HPF1: variants seen among roughly 807,000 people sequenced by gnomAD.
HPF1 encodes the protein UPF0609 protein C4orf27.
A neutral mutation model predicts 38.8 loss-of-function variants in HPF1; 35 were observed. The ratio of observed to expected loss-of-function variants is 0.90; its 90% CI spans 0.69 to 1.19. The LOEUF is 1.19. Ranked by LOEUF, HPF1 falls within the 50% of genes most tolerant of loss-of-function variation. HPF1 has a pLI of 0.00. For synonymous variants in HPF1, 115 were observed against 139.2 expected, an observed-to-expected ratio of 0.83 and a Z score of 1.22; for missense variants, 367 against 405.8, an observed-to-expected ratio of 0.90 and a Z score of 0.82.
At chr4:169,742,787 G>A (rs528983611) in intron 4 of HPF1, among the ~76,000 whole-genome samples, 18 of 151,050 alleles carry the variant, frequency 1.2e-4, no homozygotes, top group East Asian at 4.0e-4. Context: ...GCAAGACTCC[G>A]TCTCAAAAAA....
In HPF1 at chr4:169,742,634, T is replaced by C. The variant is rs1290522811; in HGVS notation, c.498-527A>G. On this transcript the variant is annotated intron_variant, in intron 4 of 7. Transcript: ENST00000393381. The stretch of plus-strand genomic sequence containing the variant: ...GGTGAAACCCCGTCTCTACTAAAAA[T>C]ACAAAAAATTAGCCGGGCGTGATGG... Among the ~76,000 whole-genome samples, 4 of 152,012 alleles carry C rather than the reference T, an allele frequency of 2.6e-5. No homozygotes were observed. In the South Asian group the frequency reaches 6.2e-4, roughly 24 times the overall value.
intron 1 of HPF1, among the ~76,000 whole-genome samples, chr4:169,755,693 T>C (rs1203471910): frequency 2.0e-5 from 3 of 152,248 alleles, no homozygotes; most frequent in African/African-American, 4.8e-5. Flanking sequence ...TGCAGCATGA[T>C]AGCCTTTTTA....
At chr4:169,750,811 G>T in intron 2 of HPF1, 86 bp from the exon 3 acceptor site, 1 of 1,048,096 alleles carries the variant, frequency 9.5e-7, no homozygotes, top group Non-Finnish European at 1.4e-6. Flanking sequence ...CTAAGCAATT[G>T]TCTTTAAAAA....
intron 6 of HPF1, among the ~76,000 whole-genome samples, chr4:169,732,482 A>G (rs887955900): frequency 2.6e-5 from 4 of 152,154 alleles, no homozygotes; most frequent in African/African-American, 9.7e-5. Flanking sequence ...GGTGGTCATC[A>G]TGCATTTACA....
intron 6 of HPF1, among the ~76,000 whole-genome samples, chr4:169,733,549 T>C (rs1422172298): frequency 6.6e-6 from 1 of 152,188 alleles, no homozygotes; most frequent in Non-Finnish European, 1.5e-5. Flanking sequence ...ATTCTATGTA[T>C]GAGGCACAAC....
intron 4 of HPF1, among the ~76,000 whole-genome samples, chr4:169,746,408 T>C (rs991327799): frequency 3.9e-5 from 6 of 152,160 alleles, no homozygotes; most frequent in African/African-American, 1.4e-4. Flanking sequence ...AGTTAACATT[T>C]TTCAAATGTT....
intron 2 of HPF1, among the ~76,000 whole-genome samples, chr4:169,753,102 C>T (rs1357601192): frequency 7.1e-6 from 1 of 140,912 alleles, no homozygotes; most frequent in Admixed American, 7.3e-5. Context: ...GGCACAATCT[C>T]GACTCACTGC....
At chr4:169,732,069 A>T in intron 6 of HPF1, 193 bp from the exon 7 acceptor site, 1 of 497,554 alleles carries the variant, frequency 2.0e-6, no homozygotes, top group Non-Finnish European at 3.5e-6. Flanking sequence ...TTAGGATTCA[A>T]GCTTAAAAAC....
At position 169,738,411 on chromosome 4, in the gene HPF1, C is replaced by T. The variant is rs1421527955; in HGVS notation, c.649-664G>A. Among the ~76,000 whole-genome samples the T allele has an allele frequency of 5.9e-5, 9 of 152,300 alleles. No homozygotes were observed. In the South Asian group the frequency reaches 1.7e-3, roughly 28 times the overall value. ...TTCTTCCTTTAGCTCATGTTAGTGA[C>T]ATTATTTTTAGGTCTTTCCTTAGCG... On this transcript the variant is annotated intron_variant, in intron 5 of 7. Transcript: ENST00000393381.
At chr4:169,749,362 T>G (rs1734088169) in intron 3 of HPF1, among the ~76,000 whole-genome samples, 1 of 152,142 alleles carries the variant, frequency 6.6e-6, no homozygotes, top group Non-Finnish European at 1.5e-5. Context: ...AGCTCAAAAT[T>G]ATCCAAATTA....
intron 6 of HPF1, among the ~76,000 whole-genome samples, chr4:169,732,591 A>G (rs567322396): frequency 3.9e-5 from 6 of 152,170 alleles, no homozygotes; most frequent in Admixed American, 3.9e-4. Context: ...AGTTTTTTTC[A>G]TTTTTAAATG....
At chr4:169,741,041 C>T (rs1037659482) in intron 5 of HPF1, among the ~76,000 whole-genome samples, 26 of 152,070 alleles carry the variant, frequency 1.7e-4, no homozygotes, top group African/African-American at 6.3e-4. Context: ...ATTTAAAATG[C>T]CATATTGTAA....
intron 4 of HPF1, among the ~76,000 whole-genome samples, chr4:169,744,872 C>T (rs1734026003): frequency 1.3e-5 from 2 of 151,134 alleles, no homozygotes; most frequent in South Asian, 4.2e-4. Context: ...TTCTTCCACT[C>T]TACACAACAA....
rs1294536818 is a variant in HPF1, at chr4:169,753,771, C to T, written c.113G>A (p.Arg38Gln). The change falls in exon 2 of 8, where the codon CGA (arginine) becomes CAA (glutamine). Residue 38 changes from arginine to glutamine, a missense_variant. Physicochemically the swap from Arg to Gln is conservative, Grantham distance 43. Transcript: ENST00000393381. ...FCEADVSSDLRKEVENHYKLS... is the reference protein window; with the variant it reads ...FCEADVSSDLQKEVENHYKLS... ...CTTATAATGATTTTCTACTTCTTTTCGAAGGTCACTGGAGACATCAGCTTC... is the reference window on the plus strand; with the variant it reads ...CTTATAATGATTTTCTACTTCTTTTTGAAGGTCACTGGAGACATCAGCTTC... The T allele has an allele frequency of 3.7e-6, 6 of 1,613,566 alleles. No homozygotes were observed. Among genetic ancestry groups the T allele is most frequent in the Admixed American group, 1.7e-5 (1 of 59,986 alleles).
intron 5 of HPF1, 136 bp from the exon 6 acceptor site, chr4:169,737,883 C>T (rs1733919474): frequency 3.1e-6 from 2 of 643,484 alleles, no homozygotes; most frequent in Admixed American, 5.7e-5. Flanking sequence ...ATTTGGACTC[C>T]AGGGTAAAAA....
chr4:169,757,833 C>A lies in HPF1; in HGVS notation c.45G>T (p.Pro15=). The part of the protein sequence containing the change: ...GGKRRPGGEG[P]QCEKTTDVKK... ...CGCACAGCCTTTCCGGCAGTACCTG[C>A]GGCCCCTCTCCGCCGGGCCTGCGCT... The change falls in exon 1 of 8, where the codon CCG becomes CCT. Residue 15 remains proline, a synonymous_variant. Transcript: ENST00000393381. The A allele has an allele frequency of 6.4e-7, 1 of 1,562,110 alleles. No homozygotes were observed. The highest frequency in any genetic ancestry group is 2.4e-5 in the East Asian group (1 of 42,166).
In HPF1 at chr4:169,753,028, G is replaced by GTTTTTTTTTTT. The variant is rs71590035; in HGVS notation, c.208+637_208+647dup. Among the ~76,000 whole-genome samples, 5 of 103,890 alleles carry GTTTTTTTTTTT rather than the reference G, an allele frequency of 4.8e-5. 1 individual carries two copies. Among genetic ancestry groups the GTTTTTTTTTTT allele is most frequent in the Admixed American group, 1.3e-4 (1 of 7,622 alleles). 68.2% of individuals were successfully genotyped at this position (103,890 alleles called of 152,430 possible). ...ATGAACAGTTTATATCCTTGGTTAG[G>GTTTTTTTTTTT]TTTTTTTTTTTTTTTTTTTTTCTGA... On this transcript the variant is annotated intron_variant, in intron 2 of 7. Coordinates refer to ENST00000393381, the MANE Select transcript of HPF1 (RefSeq NM_017867.3).
intron 3 of HPF1, 54 bp from the exon 4 acceptor site, chr4:169,748,896 GC>G (rs1180749831): frequency 1.2e-6 from 1 of 814,850 alleles, no homozygotes; most frequent in Non-Finnish European, 2.0e-6. Context: ...ATATTATCAG[GC>G]AAGTGGGATT....
chr4:169,736,359 C>CAAAAAAAAAAAAAAAAAA (rs750923800), intron 6 of HPF1, among the ~76,000 whole-genome samples: 1 of 103,214 alleles, frequency 9.7e-6, no homozygotes, highest in Non-Finnish European at 1.8e-5. Flanking sequence ...GACCCTGTCA[C>CAAAAAAAAAAAAAAAAAA]AAAAAAAAAA....
Sources: gnomAD v4.1 joint callset for allele counts (sites outside exome capture counted in the v4.1 genomes callset) on GRCh38, gnomAD v4.1.1 for gene constraint, MANE v1.5 for transcripts, NCBI Gene and HGNC (gene_info 2026-07-23, HGNC 2026-07-21) for gene names.